POU6F2: variants seen among roughly 807,000 people sequenced by gnomAD.
The protein encoded by POU6F2 is POU domain, class 6, transcription factor 2.
POU6F2 carries 31 observed loss-of-function variants against 71.3 expected under a neutral mutation model. The ratio of observed to expected loss-of-function variants is 0.43; its 90% CI spans 0.33 to 0.59. POU6F2 has a LOEUF of 0.59. Among genes scored for constraint, POU6F2 ranks in the 20% least tolerant of loss-of-function variants. POU6F2 has a pLI of 0.04. For synonymous variants in POU6F2, 347 were observed against 355.7 expected (o/e 0.98, Z 0.27); for missense variants, 783 against 856.8 (o/e 0.91, Z 1.07).
At chr7:38,990,878 G>A (rs757080026) in intron 1 of POU6F2, among the ~76,000 whole-genome samples, 16 of 152,190 alleles carry the variant, frequency 1.1e-4, no homozygotes, top group Middle Eastern at 3.4e-3. Flanking sequence ...AAAGAGAGAC[G>A]TGTGCTAGAA....
intron 6 of POU6F2, among the ~76,000 whole-genome samples, chr7:39,428,304 A>G (rs1418410225): frequency 6.6e-6 from 1 of 152,252 alleles, no homozygotes; most frequent in Non-Finnish European, 1.5e-5. Flanking sequence ...GGAAAGAGAT[A>G]GATGGACATT....
intron 2 of POU6F2, among the ~76,000 whole-genome samples, chr7:39,164,627 C>G (rs908811596): frequency 5.3e-5 from 8 of 151,790 alleles, no homozygotes; most frequent in Admixed American, 3.9e-4. Context: ...GCTGGTGGTC[C>G]TTAGGGTGTG....
intron 2 of POU6F2, among the ~76,000 whole-genome samples, chr7:39,098,051 C>T (rs1051984029): frequency 1.5e-4 from 23 of 152,142 alleles, no homozygotes; most frequent in Admixed American, 1.2e-3. Flanking sequence ...GTGCATATGC[C>T]GTGGAACACA....
chr7:39,031,829 T>G (rs1252199919), intron 1 of POU6F2, among the ~76,000 whole-genome samples: 2 of 151,752 alleles, frequency 1.3e-5, no homozygotes, highest in African/African-American at 4.8e-5. Context: ...TGCAGTGAGC[T>G]GAGATCATGC....
At chr7:39,255,954 C>T (rs1784012248) in intron 4 of POU6F2, among the ~76,000 whole-genome samples, 1 of 152,104 alleles carries the variant, frequency 6.6e-6, no homozygotes, top group African/African-American at 2.4e-5. Context: ...TAGATTGCTC[C>T]ACACAGAAGC....
intron 1 of POU6F2, among the ~76,000 whole-genome samples, chr7:39,051,765 G>C (rs1382621461): frequency 2.0e-5 from 3 of 152,056 alleles, no homozygotes; most frequent in Non-Finnish European, 4.4e-5. Context: ...GGATCTAGTG[G>C]GTGGAGAAGT....
At chr7:39,019,217 T>G (rs1325529647) in intron 1 of POU6F2, among the ~76,000 whole-genome samples, 1 of 152,156 alleles carries the variant, frequency 6.6e-6, no homozygotes, top group Non-Finnish European at 1.5e-5. Context: ...ATAGCTAGAA[T>G]TTTAAGTTCA....
chr7:39,282,828 G>A (rs1234610491), intron 4 of POU6F2, among the ~76,000 whole-genome samples: 1 of 152,134 alleles, frequency 6.6e-6, no homozygotes, highest in Non-Finnish European at 1.5e-5. Context: ...AATGTCACTG[G>A]TATTTTAATA....
At chr7:39,306,954 G>T (rs1478768844) in intron 4 of POU6F2, among the ~76,000 whole-genome samples, 2 of 152,114 alleles carry the variant, frequency 1.3e-5, no homozygotes, top group Non-Finnish European at 2.9e-5. Flanking sequence ...CAATCTTTCA[G>T]CTCTGAATTA....
intron 5 of POU6F2, among the ~76,000 whole-genome samples, chr7:39,341,380 G>A (rs1030989361): frequency 6.6e-6 from 1 of 152,080 alleles, no homozygotes; most frequent in Non-Finnish European, 1.5e-5. Flanking sequence ...CAATTCTTAC[G>A]ATGGTGAGAC....
intron 4 of POU6F2, among the ~76,000 whole-genome samples, chr7:39,318,304 T>G (rs1245896128): frequency 6.6e-6 from 1 of 152,166 alleles, no homozygotes; most frequent in Non-Finnish European, 1.5e-5. Context: ...GTTTAAAGGC[T>G]GCCAATTCCT....
chr7:38,987,059 T>C (rs1788480738), intron 1 of POU6F2, among the ~76,000 whole-genome samples: 1 of 152,154 alleles, frequency 6.6e-6, no homozygotes, highest in Admixed American at 6.5e-5. Context: ...GAAGTTTCAT[T>C]TCTCTTAACA....
chr7:39,278,405 C>T (rs911385494), intron 4 of POU6F2, among the ~76,000 whole-genome samples: 2 of 152,040 alleles, frequency 1.3e-5, no homozygotes, highest in Admixed American at 6.6e-5. Context: ...GCTCATTCTC[C>T]GCATCGATCA....
At chr7:39,059,578 A>G (rs2141277) in intron 1 of POU6F2, among the ~76,000 whole-genome samples, 86,358 of 151,548 alleles carry the variant, frequency 0.57, 25,199 homozygotes, top group East Asian at 0.87. Flanking sequence ...CACTGCTAGT[A>G]GGAATGTAAA....
At chr7:39,005,589 G>A (rs913673439) in intron 1 of POU6F2, among the ~76,000 whole-genome samples, 3 of 150,184 alleles carry the variant, frequency 2.0e-5, no homozygotes, top group South Asian at 2.1e-4. Flanking sequence ...GTTGATAGCC[G>A]CACGCTATCT....
chr7:39,165,768 G>T (rs777835369), intron 2 of POU6F2, among the ~76,000 whole-genome samples: 10 of 152,178 alleles, frequency 6.6e-5, no homozygotes, highest in Non-Finnish European at 1.2e-4. Context: ...AAACAGGAGA[G>T]TTTTCTAAAT....
intron 7 of POU6F2, among the ~76,000 whole-genome samples, chr7:39,448,556 A>C (rs1399390635): frequency 6.6e-6 from 1 of 152,228 alleles, no homozygotes; most frequent in Non-Finnish European, 1.5e-5. Context: ...TGGACATGGA[A>C]CAAGTTCTTA....
At chr7:39,038,556 A>G (rs1327781993) in intron 1 of POU6F2, among the ~76,000 whole-genome samples, 3 of 152,014 alleles carry the variant, frequency 2.0e-5, no homozygotes, top group African/African-American at 7.2e-5. Context: ...CCTTAAGGCA[A>G]TTTGAATCTT....
At chr7:39,450,287 A>C (rs1788628114) in intron 7 of POU6F2, among the ~76,000 whole-genome samples, 2 of 152,084 alleles carry the variant, frequency 1.3e-5, no homozygotes, top group Non-Finnish European at 2.9e-5. Context: ...ACCTAATTCT[A>C]CTCACAGGCT....
Sources: allele counts gnomAD v4.1 joint callset (sites outside exome capture counted in the v4.1 genomes callset), GRCh38; gene constraint gnomAD v4.1.1; transcripts MANE v1.5; gene names NCBI Gene and HGNC (gene_info 2026-07-23, HGNC 2026-07-21).